The following THSD4 variants were observed in gnomAD, a reference collection of about 807,000 sequenced individuals.
THSD4 encodes thrombospondin type-1 domain-containing protein 4.
Under a neutral mutation model 119.0 loss-of-function variants are expected in THSD4, and 69 were observed. The observed-to-expected ratio is 0.58, with a 90% CI of 0.48 to 0.71. The LOEUF is 0.71. Among genes scored for constraint, THSD4 ranks in the 30% least tolerant of loss-of-function variants. The pLI is 0.00. For missense variants in THSD4, 1,393 were observed against 1,391.1 expected (o/e 1.00, Z -0.02); for synonymous variants, 524 against 540.4 (o/e 0.97, Z 0.42).
At chr15:71,583,548 T>C (rs2049599777) in intron 7 of THSD4, among the ~76,000 whole-genome samples, 1 of 150,272 alleles carries the variant, frequency 6.7e-6, no homozygotes, top group Non-Finnish European at 1.5e-5. Flanking sequence ...CACTATAAAC[T>C]TTCCTCTTAG....
In THSD4 at chr15:71,771,154, T is replaced by C. The variant is rs1461208393; in HGVS notation, c.2860T>C (p.Leu954=). 1 of 1,614,190 alleles carries C rather than the reference T, an allele frequency of 6.2e-7. No individual in the cohort carries two copies. The change falls in exon 17 of 18, where the codon TTG becomes CTG. Residue 954 remains leucine (L), a synonymous_variant. Transcript: ENST00000261862. ...MTLSNLCDPQ[L]KPEERESCNP... is the part of the protein sequence containing the mutation. The stretch of plus-strand genomic sequence containing the variant: ...TCTAAGTAACCTCTGTGACCCTCAG[T>C]TGAAACCAGAAGAGAGAGAATCTTG...
chr15:71,300,415 T>C (rs907218434), intron 6 of THSD4, among the ~76,000 whole-genome samples: 1 of 152,148 alleles, frequency 6.6e-6, no homozygotes, highest in Non-Finnish European at 1.5e-5. Context: ...GGTTAGGTTT[T>C]CTTAACGTTC....
intron 8 of THSD4, 26 bp downstream of exon 8, chr15:71,660,760 A>G (rs1567087325): frequency 6.2e-7 from 1 of 1,613,096 alleles, no homozygotes; most frequent in Non-Finnish European, 8.5e-7. Flanking sequence ...TTCCAGAGAA[A>G]ACCGTCTGTC....
intron 1 of THSD4, among the ~76,000 whole-genome samples, chr15:71,130,813 C>T (rs1346389406): frequency 6.6e-6 from 1 of 152,186 alleles, no homozygotes; most frequent in African/African-American, 2.4e-5. Flanking sequence ...GGTGCAATCT[C>T]AGCTCGCTGC....
At chr15:71,468,319 C>T (rs534084930) in intron 7 of THSD4, among the ~76,000 whole-genome samples, 6 of 152,176 alleles carry the variant, frequency 3.9e-5, no homozygotes, top group Non-Finnish European at 7.3e-5. Flanking sequence ...TACCCAGTCT[C>T]GGGTAGGTCT....
At chr15:71,309,251 G>C (rs1873887367) in intron 6 of THSD4, among the ~76,000 whole-genome samples, 1 of 152,132 alleles carries the variant, frequency 6.6e-6, no homozygotes, top group Non-Finnish European at 1.5e-5. Context: ...CACCTGGCCT[G>C]TTTTATTCTT....
Position 71,277,128 on chromosome 15 carries a change from C to CTTTTTTTTTTTTTTTTTTTTTT in THSD4, c.1015+20427_1015+20428insTTTTTTTTTTTTTTTTTTTTTT, listed in dbSNP as rs779207517. Among the ~76,000 whole-genome samples, 89 of 122,988 alleles carry CTTTTTTTTTTTTTTTTTTTTTT rather than the reference C, an allele frequency of 7.2e-4. 8 individuals are homozygous for CTTTTTTTTTTTTTTTTTTTTTT. The highest frequency in any genetic ancestry group is 2.2e-3 in the African/African-American group (66 of 29,752). 80.7% of individuals were successfully genotyped at this position (122,988 alleles called of 152,430 possible). A position where few individuals can be genotyped will look rare whatever the true frequency, so the allele number is the denominator to read the frequency against. ...TATTTGTATTTGAATTCTTCTTCTT[C>CTTTTTTTTTTTTTTTTTTTTTT]TTTTTTTTTTTTTTGAAACGGAGTT... On this transcript the variant is annotated intron_variant, in intron 6 of 17. Transcript: ENST00000261862.
At chr15:71,508,776 T>C (rs1210414965) in intron 7 of THSD4, among the ~76,000 whole-genome samples, 4 of 152,232 alleles carry the variant, frequency 2.6e-5, no homozygotes, top group Non-Finnish European at 5.9e-5. Context: ...CTGCTGCTTC[T>C]CTTAACATTA....
chr15:71,241,262 G>T (rs1006931708), intron 4 of THSD4, among the ~76,000 whole-genome samples: 6 of 152,226 alleles, frequency 3.9e-5, no homozygotes, highest in African/African-American at 9.6e-5. Flanking sequence ...ATCCAGCTCA[G>T]TCATCTTAAA....
At chr15:71,500,675 A>C (rs2048097265) in intron 7 of THSD4, among the ~76,000 whole-genome samples, 1 of 152,240 alleles carries the variant, frequency 6.6e-6, no homozygotes, top group Non-Finnish European at 1.5e-5. Context: ...GTAAGAGTCT[A>C]ACTTCATTCT....
At chr15:71,357,449 T>C (rs566727221) in intron 6 of THSD4, among the ~76,000 whole-genome samples, 1 of 152,286 alleles carries the variant, frequency 6.6e-6, no homozygotes, top group South Asian at 2.1e-4. Context: ...GTCCACCCAG[T>C]GGGACTCCCT....
chr15:71,410,706 A>C (rs981978695), intron 6 of THSD4, among the ~76,000 whole-genome samples: 4 of 152,186 alleles, frequency 2.6e-5, no homozygotes, highest in Admixed American at 6.5e-5. Context: ...AAAGGCATAC[A>C]GATGATATAA....
At chr15:71,500,620 T>C (rs4318159) in intron 7 of THSD4, among the ~76,000 whole-genome samples, 149,659 of 152,344 alleles carry the variant, frequency 0.98, 73,565 homozygotes, top group East Asian at 1. Context: ...ATAATATGTT[T>C]AGGTCTTTAA....
At chr15:71,650,249 T>A (rs1045552950) in intron 7 of THSD4, among the ~76,000 whole-genome samples, 1 of 152,212 alleles carries the variant, frequency 6.6e-6, no homozygotes, top group African/African-American at 2.4e-5. Flanking sequence ...AGAGACCATA[T>A]GACTGCAATG....
chr15:71,364,781 C>T (rs541302476), intron 6 of THSD4, among the ~76,000 whole-genome samples: 17 of 152,284 alleles, frequency 1.1e-4, no homozygotes, highest in Admixed American at 9.2e-4. Flanking sequence ...AGCTTTAAAG[C>T]GTGTCTTGGT....
intron 7 of THSD4, among the ~76,000 whole-genome samples, chr15:71,460,613 T>C (rs1239799608): frequency 6.6e-6 from 1 of 152,228 alleles, no homozygotes; most frequent in Non-Finnish European, 1.5e-5. Flanking sequence ...AGTCAACAGA[T>C]ACTTTTAGAA....
intron 7 of THSD4, among the ~76,000 whole-genome samples, chr15:71,566,289 C>G (rs2049238732): frequency 6.6e-6 from 1 of 151,948 alleles, no homozygotes; most frequent in African/African-American, 2.4e-5. Flanking sequence ...ATGCAAACTA[C>G]TTTTGAAATA....
intron 7 of THSD4, among the ~76,000 whole-genome samples, chr15:71,490,045 A>G (rs540779598): frequency 2.6e-5 from 4 of 152,162 alleles, no homozygotes; most frequent in South Asian, 2.1e-4. Context: ...CCACATGAGC[A>G]TTTTCCCATT....
At chr15:71,504,201 G>T (rs1417823612) in intron 7 of THSD4, among the ~76,000 whole-genome samples, 1 of 152,222 alleles carries the variant, frequency 6.6e-6, no homozygotes, top group Non-Finnish European at 1.5e-5. Context: ...TTATCTTGAT[G>T]ACTTGAGGGC....
Sources: gnomAD v4.1 joint callset for allele counts (sites outside exome capture counted in the v4.1 genomes callset) on GRCh38, gnomAD v4.1.1 for gene constraint, MANE v1.5 for transcripts, NCBI Gene and HGNC (gene_info 2026-07-23, HGNC 2026-07-21) for gene names.